Variants in MGAT4C observed in about 807,000 individuals in gnomAD.
MGAT4C encodes the protein alpha-1,3-mannosyl-glycoprotein 4-beta-N-acetylglucosaminyltransferase C.
In MGAT4C, 19 loss-of-function variants were observed where a neutral mutation model predicts 40.1. The ratio of observed to expected loss-of-function variants is 0.47; its 90% CI spans 0.33 to 0.70. The LOEUF (loss-of-function observed/expected upper bound fraction) is 0.70. Ranked by LOEUF, MGAT4C falls within the 30% of genes least tolerant of loss-of-function variation. The probability of loss-of-function intolerance (pLI) is 0.02; values close to 1 mark genes in which losing one functional copy is unlikely to be tolerated. For missense variants in MGAT4C, 491 were observed against 563.2 expected (o/e 0.87, Z 1.30); for synonymous variants, 181 against 187.1 (o/e 0.97, Z 0.27).
chr12:86,211,794 G>T (rs569049623), intron 1 of MGAT4C, among the ~76,000 whole-genome samples: 20 of 147,514 alleles, frequency 1.4e-4, no homozygotes, highest in African/African-American at 4.2e-4. Flanking sequence ...TTGTTGTTTT[G>T]TTTTTTTTTT....
chr12:86,042,632 G>A lies in MGAT4C; in HGVS notation c.-7+7042C>T, dbSNP rs543676894. ...CATTAAGAATGCTGAATGGGAGTTC[G>A]AGGTGGGCAGATCACAGGGTCAGGA... On this transcript the variant is annotated intron_variant, in intron 2 of 4. Transcript: ENST00000611864. Among the ~76,000 whole-genome samples, 9 of 152,042 alleles carry A rather than the reference G, an allele frequency of 5.9e-5. No homozygotes were observed. In the South Asian group the frequency reaches 8.3e-4, roughly 14 times the overall value.
chr12:86,184,958 C>T (rs918648893), intron 1 of MGAT4C, among the ~76,000 whole-genome samples: 13 of 152,102 alleles, frequency 8.5e-5, no homozygotes, highest in African/African-American at 1.7e-4. Flanking sequence ...TCTGTCTTAA[C>T]GCTGTAAGGA....
intron 2 of MGAT4C, among the ~76,000 whole-genome samples, chr12:86,043,096 T>C (rs1038865059): frequency 6.6e-6 from 1 of 152,116 alleles, no homozygotes; most frequent in African/African-American, 2.4e-5. Context: ...GTTCTCTGCA[T>C]TTTCTGAATT....
chr12:85,997,463 C>T (rs961987546), intron 2 of MGAT4C, among the ~76,000 whole-genome samples: 10 of 152,158 alleles, frequency 6.6e-5, no homozygotes, highest in African/African-American at 2.4e-4. Context: ...CAAAAGTCCA[C>T]AGTCCAAAGT....
intron 4 of MGAT4C, among the ~76,000 whole-genome samples, chr12:86,275,137 A>C (rs1279224682): frequency 6.6e-6 from 1 of 152,190 alleles, no homozygotes; most frequent in Non-Finnish European, 1.5e-5. Flanking sequence ...ATTCAGAACA[A>C]GTATGAAATG....
chr12:86,116,313 A>G (rs1373453642), intron 1 of MGAT4C, among the ~76,000 whole-genome samples: 3 of 152,036 alleles, frequency 2.0e-5, no homozygotes, highest in Non-Finnish European at 2.9e-5. Flanking sequence ...TATAGGCGAA[A>G]GTATTATCAG....
chr12:86,798,246 T>C (rs113369221), intron 1 of MGAT4C, among the ~76,000 whole-genome samples: 2 of 151,974 alleles, frequency 1.3e-5, no homozygotes, highest in Non-Finnish European at 2.9e-5. Flanking sequence ...CATAATTTAC[T>C]CATTTTGTTT....
At chr12:86,223,324 G>A (rs1200681962) in intron 1 of MGAT4C, among the ~76,000 whole-genome samples, 1 of 152,158 alleles carries the variant, frequency 6.6e-6, no homozygotes, top group Admixed American at 6.5e-5. Flanking sequence ...TCCATTCTGA[G>A]CCCAGTTTCC....
At chr12:86,116,470 T>C (rs1025161294) in intron 1 of MGAT4C, among the ~76,000 whole-genome samples, 18 of 151,964 alleles carry the variant, frequency 1.2e-4, no homozygotes, top group Admixed American at 3.3e-4. Flanking sequence ...AGATTAGATG[T>C]CAAATAGAAA....
chr12:86,771,327 G>A (rs992431406), intron 1 of MGAT4C, among the ~76,000 whole-genome samples: 2 of 152,114 alleles, frequency 1.3e-5, no homozygotes, highest in African/African-American at 4.8e-5. Context: ...GAAGTGGGGT[G>A]CTACTATAAC....
At chr12:86,042,175 A>G (rs1891923823) in intron 2 of MGAT4C, among the ~76,000 whole-genome samples, 1 of 152,208 alleles carries the variant, frequency 6.6e-6, no homozygotes, top group Non-Finnish European at 1.5e-5. Flanking sequence ...ATTTTTCTCC[A>G]TCCATTAACT....
chr12:86,830,716 GAAACAAACAAACAAACAAAC>G (rs3050182), intron 1 of MGAT4C, among the ~76,000 whole-genome samples: 3 of 149,596 alleles, frequency 2.0e-5, no homozygotes, highest in Non-Finnish European at 3.0e-5. Flanking sequence ...GGCTCCTAAT[GAAACAAACAAACAAACAAAC>G]AAACAAACAA....
chr12:86,077,067 G>A (rs1017413734), intron 1 of MGAT4C, among the ~76,000 whole-genome samples: 4 of 151,984 alleles, frequency 2.6e-5, no homozygotes, highest in African/African-American at 9.7e-5. Context: ...CCTAGATTAA[G>A]GGTGGGTCTG....
chr12:85,984,994 C>T (rs1012722203), intron 3 of MGAT4C, among the ~76,000 whole-genome samples: 5 of 152,038 alleles, frequency 3.3e-5, no homozygotes, highest in Non-Finnish European at 7.4e-5. Flanking sequence ...TGGCCAAGCT[C>T]GTCTCAAACT....
chr12:86,531,594 A>G lies in MGAT4C; in HGVS notation c.-228-96329T>C, dbSNP rs893120833. ...AAACTTCTCAAGTTTACAATATTATATTGAAGCCACTTTTTTTCAGACTTT... is the reference window on the plus strand; with the variant it reads ...AAACTTCTCAAGTTTACAATATTATGTTGAAGCCACTTTTTTTCAGACTTT... On this transcript the variant is annotated intron_variant, in intron 2 of 7. Coordinates refer to the MGAT4C transcript ENST00000548651. Among the ~76,000 whole-genome samples, 31 of 152,046 alleles carry G rather than the reference A, an allele frequency of 2.0e-4. 1 individual carries two copies. The highest frequency in any genetic ancestry group is 2.0e-3 in the Admixed American group (30 of 15,234).
At chr12:86,108,986 T>G (rs1013587005) in intron 1 of MGAT4C, among the ~76,000 whole-genome samples, 1 of 152,132 alleles carries the variant, frequency 6.6e-6, no homozygotes, top group African/African-American at 2.4e-5. Context: ...AATTATTATT[T>G]TTTTAAAGTT....
At chr12:86,799,794 G>C (rs892168491) in intron 1 of MGAT4C, among the ~76,000 whole-genome samples, 1 of 151,760 alleles carries the variant, frequency 6.6e-6, no homozygotes, top group Non-Finnish European at 1.5e-5. Context: ...AGACTATTAA[G>C]AACCATATCT....
At chr12:86,527,819 C>T (rs376631239) in intron 2 of MGAT4C, among the ~76,000 whole-genome samples, 111 of 152,156 alleles carry the variant, frequency 7.3e-4, no homozygotes, top group African/African-American at 2.4e-3. Flanking sequence ...TATTTATAAA[C>T]GCTACTGATA....
At chr12:86,383,946 T>C (rs944377838) in intron 3 of MGAT4C, among the ~76,000 whole-genome samples, 1 of 152,140 alleles carries the variant, frequency 6.6e-6, no homozygotes, top group Non-Finnish European at 1.5e-5. Context: ...TTCCCATGTG[T>C]TGTGGGAGGG....
Sources: allele counts gnomAD v4.1 joint callset (sites outside exome capture counted in the v4.1 genomes callset), GRCh38; gene constraint gnomAD v4.1.1; transcripts MANE v1.5; gene names NCBI Gene and HGNC (gene_info 2026-07-23, HGNC 2026-07-21).